MYH15: variants seen among roughly 807,000 people sequenced by gnomAD.
The protein encoded by MYH15 is myosin heavy chain 15.
Under a neutral mutation model 240.5 loss-of-function variants are expected in MYH15, and 227 were observed. The ratio of observed to expected loss-of-function variants is 0.94; its 90% CI spans 0.85 to 1.05. The LOEUF is 1.05. Ranked by LOEUF, MYH15 falls within the 50% of genes least tolerant of loss-of-function variation. The probability of loss-of-function intolerance (pLI) is 0.00; values close to 1 mark genes in which losing one functional copy is unlikely to be tolerated. For missense variants in MYH15, 2,217 were observed against 2,247.5 expected, an observed-to-expected ratio of 0.99 and a Z score of 0.27; for synonymous variants, 785 against 796.7, an observed-to-expected ratio of 0.99 and a Z score of 0.25.
At chr3:108,533,958 A>C (rs1559680081), upstream of MYH15, among the ~76,000 whole-genome samples, 1 of 152,248 alleles carries the variant, frequency 6.6e-6, no homozygotes, top group Non-Finnish European at 1.5e-5. Context: ...GAAGGGAAAC[A>C]ATGTATAACC....
At chr3:108,475,420 G>T (rs1005506841) in intron 12 of MYH15, among the ~76,000 whole-genome samples, 4 of 152,062 alleles carry the variant, frequency 2.6e-5, no homozygotes, top group African/African-American at 9.7e-5. Flanking sequence ...TTCCAGAAAG[G>T]CTACATTTCT....
At position 108,394,273 on chromosome 3, in the gene MYH15, T is replaced by C. The variant is rs9859959; in HGVS notation, c.5134-117A>G. ...TGGCCAGAAGCAAATTTTATTATAG[T>C]GAGCCATAGTCCCTTAAGCAGTGCT... On this transcript the variant is annotated intron_variant, in intron 35 of 40. Coordinates refer to ENST00000693548, the MANE Select transcript of MYH15 (RefSeq NM_014981.3). 2.7e-3 allele frequency: 3,494 copies of C among 1,311,156 alleles called. 63 individuals carry two copies. In the African/African-American group the frequency reaches 0.045, roughly 17 times the overall value. 81.2% of individuals were successfully genotyped at this position (1,311,156 alleles called of 1,614,324 possible). A position where few individuals can be genotyped will look rare whatever the true frequency, so the allele number is the denominator to read the frequency against.
chr3:108,415,333 C>A (rs1227253878), intron 29 of MYH15, among the ~76,000 whole-genome samples: 1 of 152,142 alleles, frequency 6.6e-6, no homozygotes, highest in Non-Finnish European at 1.5e-5. Context: ...CTCAGCCAGA[C>A]CCCTTTGGGT....
rs968998953 is a variant in MYH15, at chr3:108,391,019, C to T, written c.5430+741G>A. Among the ~76,000 whole-genome samples the T allele has an allele frequency of 9.9e-5, 15 of 152,274 alleles. No individual in the cohort carries two copies. In the East Asian group the frequency reaches 1.4e-3, roughly 14 times the overall value. On this transcript the variant is annotated intron_variant, in intron 37 of 40. Transcript: ENST00000693548. ...ACTTTCTTGAACAAAAGGGTATATACGCTTTCCACATTGCCCTCACTGTAT... is the reference window on the plus strand; with the variant it reads ...ACTTTCTTGAACAAAAGGGTATATATGCTTTCCACATTGCCCTCACTGTAT...
chr3:108,497,861 T>C (rs1270469618), intron 6 of MYH15, among the ~76,000 whole-genome samples, 191 bp downstream of exon 6: 1 of 152,168 alleles, frequency 6.6e-6, no homozygotes, highest in Admixed American at 6.5e-5. Context: ...CATGTTTTCA[T>C]GTTATTGTTT....
At chr3:108,496,585 T>C (rs2083392390) in intron 6 of MYH15, among the ~76,000 whole-genome samples, 1 of 152,152 alleles carries the variant, frequency 6.6e-6, no homozygotes, top group African/African-American at 2.4e-5. Flanking sequence ...ATATTCCCCA[T>C]CTTATGGGGG....
intron 1 of MYH15, among the ~76,000 whole-genome samples, chr3:108,523,383 C>T (rs2083638190): frequency 1.3e-5 from 2 of 151,834 alleles, no homozygotes; most frequent in Non-Finnish European, 2.9e-5. Context: ...AGATATATAT[C>T]ATACTGAAAC....
chr3:108,402,204 C>T (rs1036273368), intron 33 of MYH15, among the ~76,000 whole-genome samples: 1 of 152,078 alleles, frequency 6.6e-6, no homozygotes, highest in African/African-American at 2.4e-5. Context: ...GTTTGAGGTT[C>T]TAATTTTCAA....
chr3:108,510,353 ACTGATGG>A, intron 1 of MYH15, 83 bp downstream of exon 1: 1 of 1,505,514 alleles, frequency 6.6e-7, no homozygotes, highest in Non-Finnish European at 8.9e-7. Context: ...AGGCTCTAGA[ACTGATGG>A]CTCTTCTCTG....
At chr3:108,499,822 A>G (rs2083422792) in intron 4 of MYH15, among the ~76,000 whole-genome samples, 1 of 152,252 alleles carries the variant, frequency 6.6e-6, no homozygotes, top group Admixed American at 6.5e-5. Context: ...CAGACAATAT[A>G]GAAGATGCTG....
At position 108,440,968 on chromosome 3, in the gene MYH15, G is replaced by C. The variant is rs1324797274; in HGVS notation, c.2898+50C>G. On this transcript the variant is annotated intron_variant, in intron 23 of 40. Coordinates refer to ENST00000693548, the MANE Select transcript of MYH15 (RefSeq NM_014981.3). ...TCAGATACCAAAACCTGATTTGAGA[G>C]TGGAATTCTGGCTGCTAGGCCTTCT... is the stretch of plus-strand genomic sequence containing the variant. The C allele has an allele frequency of 2.5e-6, 4 of 1,605,740 alleles. No homozygotes were observed. The African/African-American group carries it at 4.0e-5, about 16-fold the overall frequency.
At chr3:108,428,363 A>C in intron 27 of MYH15, 129 bp downstream of exon 27, 1 of 1,127,454 alleles carries the variant, frequency 8.9e-7, no homozygotes, top group Non-Finnish European at 1.3e-6. Context: ...CGTCCAAAGG[A>C]CTATAGTCTT....
intron 37 of MYH15, among the ~76,000 whole-genome samples, chr3:108,391,422 G>A (rs1251068804): frequency 1.3e-5 from 2 of 152,098 alleles, no homozygotes; most frequent in Non-Finnish European, 2.9e-5. Context: ...CGGGAGAAAA[G>A]GCACAGAAAC....
chr3:108,424,525 T>C lies in MYH15; in HGVS notation c.3703-3311A>G, dbSNP rs61235879. Among the ~76,000 whole-genome samples the C allele has an allele frequency of 2.1e-3, 320 of 152,334 alleles. 1 individual carries two copies. Among genetic ancestry groups the C allele is most frequent in the African/African-American group, 7.1e-3 (296 of 41,566 alleles). On this transcript the variant is annotated intron_variant, in intron 27 of 40. Transcript: ENST00000693548. ...AATAGAATAAGGCACATTTATCTTA[T>C]AGCTGATTCTTAAAATGATGCATAA...
chr3:108,538,290 A>C, the MYH15 span, among the ~76,000 whole-genome samples: 4 of 152,214 alleles, frequency 2.6e-5, no homozygotes, highest in African/African-American at 9.6e-5. Context: ...ATCTCTTGGC[A>C]AAAGAATTTC....
chr3:108,397,559 T>C (rs1181352839), intron 35 of MYH15, among the ~76,000 whole-genome samples: 2 of 152,230 alleles, frequency 1.3e-5, no homozygotes, highest in African/African-American at 2.4e-5. Context: ...GTCTATACCA[T>C]CCATACCAGT....
At chr3:108,510,900 C>T (rs1576276997), upstream of MYH15, among the ~76,000 whole-genome samples, 2 of 152,068 alleles carry the variant, frequency 1.3e-5, no homozygotes, top group Admixed American at 6.6e-5. Context: ...ATGAATGATA[C>T]ATATTAATGA....
chr3:108,537,742 TG>T, the MYH15 span, among the ~76,000 whole-genome samples: 12 of 152,298 alleles, frequency 7.9e-5, no homozygotes, highest in African/African-American at 2.6e-4. Context: ...ACCTAAATAC[TG>T]GGCTACAAAG....
In MYH15 at chr3:108,421,206, A is replaced by C. The variant is rs2082680854; in HGVS notation, c.3711T>G (p.Ala1237=). The C allele has an allele frequency of 1.9e-6, 3 of 1,612,536 alleles. No individual in the cohort carries two copies. In the South Asian group the frequency reaches 3.3e-5, roughly 18 times the overall value. The change falls in exon 28 of 41, where the codon GCT becomes GCG. Residue 1237 remains alanine (A), a synonymous_variant. Transcript: ENST00000693548. ...CTTCATATAGAGTACAGAGTTTCTC[A>C]GCATTTGCCTATAAGTTGAGAAAGA... The part of the protein sequence containing the change: ...VEQMTRAKAN[A]EKLCTLYEER...
Sources: allele counts gnomAD v4.1 joint callset (sites outside exome capture counted in the v4.1 genomes callset), GRCh38; gene constraint gnomAD v4.1.1; transcripts MANE v1.5; gene names NCBI Gene and HGNC (gene_info 2026-07-23, HGNC 2026-07-21).